The following TLK1 variants were observed in gnomAD, a reference collection of about 807,000 sequenced individuals.
The protein encoded by TLK1 is serine/threonine-protein kinase tousled-like 1.
A neutral mutation model predicts 105.3 loss-of-function variants in TLK1; 24 were observed. The observed-to-expected ratio is 0.23, with a 90% CI of 0.17 to 0.32. The LOEUF (loss-of-function observed/expected upper bound fraction) is 0.32, where lower values mean the gene tolerates loss of function less well. Ranked by LOEUF, TLK1 falls within the 10% of genes least tolerant of loss-of-function variation. The probability of loss-of-function intolerance (pLI) is 1.00; values close to 1 mark genes in which losing one functional copy is unlikely to be tolerated. For missense variants in TLK1, 558 were observed against 910.5 expected, an observed-to-expected ratio of 0.61 and a Z score of 4.98; for synonymous variants, 321 against 310.4, an observed-to-expected ratio of 1.03 and a Z score of -0.36.
At chr2:171,180,961 GATA>G (rs1692919626) in intron 1 of TLK1, among the ~76,000 whole-genome samples, 1 of 151,784 alleles carries the variant, frequency 6.6e-6, no homozygotes, top group Admixed American at 6.6e-5. Flanking sequence ...GATTAACTCT[GATA>G]ATAATGGTTG....
rs893668341 is a variant in TLK1 at position 170,992,693 on chromosome 2, T to C, written c.*1087A>G. ...TTGTTAATGACTGTCTGCTTTTTAA[T>C]ATCTATGATGTACAGTCAACTTGCA... On this transcript the variant is annotated 3_prime_UTR_variant, in exon 21 of 21. Transcript: ENST00000431350. 1 of 152,634 alleles carries C rather than the reference T, an allele frequency of 6.6e-6. No individual in the cohort carries two copies. Among genetic ancestry groups the C allele is most frequent in the South Asian group, 2.1e-4 (1 of 4,834 alleles). 9.5% of individuals were successfully genotyped at this position (152,634 alleles called of 1,614,324 possible).
At chr2:171,120,248 GAAAAAAAAA>G (rs71008751) in intron 1 of TLK1, among the ~76,000 whole-genome samples, 1 of 47,048 alleles carries the variant, frequency 2.1e-5, no homozygotes, top group African/African-American at 8.0e-5. Flanking sequence ...GACTCCGTCA[GAAAAAAAAA>G]AAAAAAAAAA....
At chr2:171,055,221 A>AAC in intron 6 of TLK1, 49 bp from the exon 7 acceptor site, 2 of 1,083,784 alleles carry the variant, frequency 1.8e-6, no homozygotes, top group Non-Finnish European at 1.3e-6. Flanking sequence ...AAAAAAAAAA[A>AAC]CACAAAACAA....
At chr2:171,137,596 C>G (rs865935882) in intron 1 of TLK1, among the ~76,000 whole-genome samples, 4 of 152,190 alleles carry the variant, frequency 2.6e-5, no homozygotes, top group Middle Eastern at 3.4e-3. Flanking sequence ...CGTCTGTAAT[C>G]CTAACACTTT....
At chr2:171,126,994 G>C (rs1485238356) in intron 1 of TLK1, among the ~76,000 whole-genome samples, 1 of 151,474 alleles carries the variant, frequency 6.6e-6, no homozygotes, top group East Asian at 1.9e-4. Flanking sequence ...CAAAAGTCTG[G>C]GCTGGGCACG....
At chr2:171,200,068 G>GT (rs1177855239) in intron 1 of TLK1, among the ~76,000 whole-genome samples, 2 of 152,126 alleles carry the variant, frequency 1.3e-5, no homozygotes, top group African/African-American at 4.8e-5. Context: ...CCAAGCAAGA[G>GT]TTTTTTCCCC....
chr2:171,165,912 A>G (rs1421917802), intron 1 of TLK1, among the ~76,000 whole-genome samples: 5 of 152,146 alleles, frequency 3.3e-5, no homozygotes, highest in Admixed American at 6.5e-5. Flanking sequence ...CCCCATCTCA[A>G]AAAAAAGAAA....
At chr2:171,044,834 T>C (rs1216498564) in intron 11 of TLK1, among the ~76,000 whole-genome samples, 1 of 152,110 alleles carries the variant, frequency 6.6e-6, no homozygotes, top group Non-Finnish European at 1.5e-5. Flanking sequence ...AAGTCAACAA[T>C]ATTCAGTGCT....
chr2:171,133,867 AG>A (rs1230072356), intron 1 of TLK1, among the ~76,000 whole-genome samples: 2 of 151,940 alleles, frequency 1.3e-5, no homozygotes, highest in African/African-American at 4.8e-5. Flanking sequence ...TGATGGTGTC[AG>A]GGTGTTGCCC....
intron 3 of TLK1, among the ~76,000 whole-genome samples, chr2:171,071,520 A>G (rs888577784): frequency 6.6e-6 from 1 of 152,036 alleles, no homozygotes; most frequent in African/African-American, 2.4e-5. Flanking sequence ...ATCTCCTGAC[A>G]TAGTGATCTG....
At chr2:171,052,761 G>A (rs555274752) in intron 8 of TLK1, among the ~76,000 whole-genome samples, 7 of 152,308 alleles carry the variant, frequency 4.6e-5, no homozygotes, top group Non-Finnish European at 7.4e-5. Context: ...ATGGGTGTGA[G>A]AAAGTAAATA....
intron 18 of TLK1, among the ~76,000 whole-genome samples, chr2:171,000,149 G>A (rs371586880): frequency 8.5e-5 from 13 of 152,152 alleles, no homozygotes; most frequent in Middle Eastern, 3.4e-3. Flanking sequence ...AGGCCGAGAC[G>A]GGTAGAACAG....
intron 2 of TLK1, among the ~76,000 whole-genome samples, chr2:171,092,459 AT>A (rs1325728103): frequency 6.6e-6 from 1 of 152,226 alleles, no homozygotes; most frequent in Non-Finnish European, 1.5e-5. Flanking sequence ...TTGTCAATTA[AT>A]TCTAAATATT....
At chr2:171,083,650 A>C (rs1688844259) in intron 2 of TLK1, among the ~76,000 whole-genome samples, 1 of 152,130 alleles carries the variant, frequency 6.6e-6, no homozygotes, top group East Asian at 1.9e-4. Flanking sequence ...TGATATCCTC[A>C]TGTTTCACCT....
chr2:171,104,467 A>T (rs34563349), intron 2 of TLK1, among the ~76,000 whole-genome samples: 32,591 of 152,076 alleles, frequency 0.21, 3,984 homozygotes, highest in Non-Finnish European at 0.28. Flanking sequence ...ATACTGTGAA[A>T]ATGACATACT....
chr2:171,049,731 G>A (rs529390711), intron 10 of TLK1, 83 bp downstream of exon 10: 9 of 1,527,924 alleles, frequency 5.9e-6, no homozygotes, highest in African/African-American at 2.8e-5. Flanking sequence ...GAACTGGAGA[G>A]CATAATTACA....
At chr2:171,046,094 A>C (rs6751462) in intron 11 of TLK1, 80 bp downstream of exon 11, 1 of 1,266,536 alleles carries the variant, frequency 7.9e-7, no homozygotes. Flanking sequence ...CTAAGTATTA[A>C]TTATAAATAA....
intron 1 of TLK1, among the ~76,000 whole-genome samples, chr2:171,223,321 T>A (rs373939851): frequency 6.6e-6 from 1 of 152,196 alleles, no homozygotes. Context: ...TTATTTTTTG[T>A]CTTTTTGCTA....
At chr2:171,181,378 T>C (rs182233676) in intron 1 of TLK1, among the ~76,000 whole-genome samples, 102 of 152,354 alleles carry the variant, frequency 6.7e-4, no homozygotes, top group Non-Finnish European at 1.3e-3. Context: ...TCTAATTTTT[T>C]TGTACATCCT....
Sources: gnomAD v4.1 joint callset for allele counts (sites outside exome capture counted in the v4.1 genomes callset) on GRCh38, gnomAD v4.1.1 for gene constraint, MANE v1.5 for transcripts, NCBI Gene and HGNC (gene_info 2026-07-23, HGNC 2026-07-21) for gene names.